CSMD1: variants seen among roughly 807,000 people sequenced by gnomAD.
CSMD1 encodes CUB and sushi domain-containing protein 1.
Under a neutral mutation model 417.5 loss-of-function variants are expected in CSMD1, and 213 were observed. The observed-to-expected ratio is 0.51, with a 90% confidence interval of 0.46 to 0.57. The LOEUF (loss-of-function observed/expected upper bound fraction) is 0.57. CSMD1 is among the 20% of genes least tolerant of loss of function. The probability of loss-of-function intolerance (pLI) is 0.00; values close to 1 mark genes in which losing one functional copy is unlikely to be tolerated. For synonymous variants in CSMD1, 2,862 were observed against 1,736.8 expected, an observed-to-expected ratio of 1.65 and a Z score of -16.11; for missense variants, 6,923 against 4,529.7, an observed-to-expected ratio of 1.53 and a Z score of -15.17.
chr8:4,355,509 C>T (rs182016691), intron 3 of CSMD1, among the ~76,000 whole-genome samples: 1 of 152,050 alleles, frequency 6.6e-6, no homozygotes, highest in Non-Finnish European at 1.5e-5. Flanking sequence ...AGGGAACATT[C>T]AGTAGTTTAG....
chr8:4,128,495 C>G (rs1009587556), intron 3 of CSMD1, among the ~76,000 whole-genome samples: 1 of 150,310 alleles, frequency 6.7e-6, no homozygotes, highest in Admixed American at 6.7e-5. Context: ...TTAAAACAAC[C>G]AAACAAACAA....
intron 3 of CSMD1, among the ~76,000 whole-genome samples, chr8:4,115,331 A>G (rs545359277): frequency 1.1e-4 from 16 of 152,332 alleles, no homozygotes; most frequent in African/African-American, 3.8e-4. Flanking sequence ...GTATGTACAC[A>G]TTTTAGACAT....
intron 37 of CSMD1, among the ~76,000 whole-genome samples, chr8:3,174,098 G>A (rs1308784893): frequency 6.6e-6 from 1 of 152,182 alleles, no homozygotes; most frequent in African/African-American, 2.4e-5. Flanking sequence ...CATAAGAAAC[G>A]TGACTTCACA....
intron 3 of CSMD1, among the ~76,000 whole-genome samples, chr8:4,100,765 G>C (rs1360936507): frequency 2.0e-5 from 3 of 152,084 alleles, no homozygotes; most frequent in African/African-American, 7.2e-5. Flanking sequence ...CATAAATGAA[G>C]TCATCGATCT....
At chr8:3,750,046 TTA>T (rs754415363) in intron 6 of CSMD1, among the ~76,000 whole-genome samples, 2 of 152,150 alleles carry the variant, frequency 1.3e-5, no homozygotes, top group Non-Finnish European at 2.9e-5. Context: ...ATTGAGTTCT[TTA>T]TGTTTTAAAA....
chr8:4,103,318 C>T (rs1801401163), intron 3 of CSMD1, among the ~76,000 whole-genome samples: 1 of 150,998 alleles, frequency 6.6e-6, no homozygotes, highest in Non-Finnish European at 1.5e-5. Context: ...ACACAGTGAT[C>T]ATCAATATTC....
intron 8 of CSMD1, among the ~76,000 whole-genome samples, chr8:3,609,028 C>T (rs1801760171): frequency 1.3e-5 from 2 of 152,148 alleles, no homozygotes; most frequent in African/African-American, 2.4e-5. Flanking sequence ...AGCGGTCCTG[C>T]ATAGTGAGTG....
intron 3 of CSMD1, among the ~76,000 whole-genome samples, chr8:4,353,317 G>A (rs1016423989): frequency 6.6e-6 from 1 of 152,034 alleles, no homozygotes; most frequent in Non-Finnish European, 1.5e-5. Context: ...TCTCTTCCCT[G>A]CCACCATGTA....
At chr8:3,021,295 T>C (rs868176122) in intron 51 of CSMD1, among the ~76,000 whole-genome samples, 3 of 152,224 alleles carry the variant, frequency 2.0e-5, no homozygotes, top group African/African-American at 7.2e-5. Flanking sequence ...AAATTTTAGC[T>C]TTTCAGTAGC....
chr8:4,944,075 A>T (rs572407695), intron 1 of CSMD1, among the ~76,000 whole-genome samples: 1 of 152,204 alleles, frequency 6.6e-6, no homozygotes, highest in Admixed American at 6.5e-5. Flanking sequence ...TTTGATAGAC[A>T]GGAGGAAGTT....
At chr8:3,512,559 G>C (rs1044661568) in intron 10 of CSMD1, among the ~76,000 whole-genome samples, 2 of 151,308 alleles carry the variant, frequency 1.3e-5, no homozygotes, top group Admixed American at 6.6e-5. Flanking sequence ...AGCAGCAGGA[G>C]AAATGAACCC....
chr8:2,981,069 C>G (rs901728273), intron 54 of CSMD1, among the ~76,000 whole-genome samples: 2 of 152,140 alleles, frequency 1.3e-5, no homozygotes, highest in African/African-American at 2.4e-5. Flanking sequence ...CTATTTAATT[C>G]TGAGGCTCCA....
intron 3 of CSMD1, among the ~76,000 whole-genome samples, chr8:4,148,121 G>A (rs1222428497): frequency 1.3e-5 from 2 of 152,118 alleles, no homozygotes; most frequent in African/African-American, 4.8e-5. Context: ...TGATGCGCGT[G>A]ACATGCTCTG....
intron 3 of CSMD1, among the ~76,000 whole-genome samples, chr8:4,245,671 G>A (rs1000194556): frequency 1.3e-5 from 2 of 151,968 alleles, no homozygotes; most frequent in African/African-American, 4.8e-5. Context: ...TACCCCATAT[G>A]AATGACAATT....
chr8:3,531,856 G>C (rs995482358), intron 10 of CSMD1, among the ~76,000 whole-genome samples: 35 of 152,268 alleles, frequency 2.3e-4, no homozygotes, highest in South Asian at 4.2e-4. Flanking sequence ...CGTGGGGCCA[G>C]GCCGGTCCAC....
intron 5 of CSMD1, among the ~76,000 whole-genome samples, chr8:3,859,572 A>G (rs1455803897): frequency 6.6e-6 from 1 of 152,082 alleles, no homozygotes; most frequent in Non-Finnish European, 1.5e-5. Flanking sequence ...TCTTAGTGCG[A>G]AGTTGGGTCA....
At position 3,564,204 on chromosome 8, in the gene CSMD1, T is replaced by A. The variant is rs529001754; in HGVS notation, c.1344+10741A>T. On this transcript the variant is annotated intron_variant, in intron 10 of 69. Transcript: ENST00000635120. ...AAATATATAATAAATTATCATTAAC[T>A]ATAATTTTCCTACTCTACTATTGAA... is the stretch of plus-strand genomic sequence containing the variant. 2.0e-5 allele frequency among the ~76,000 whole-genome samples: 3 copies of A among 152,336 alleles called. No individual in the cohort carries two copies. The East Asian group carries it at 5.8e-4, about 29-fold the overall frequency.
intron 1 of CSMD1, among the ~76,000 whole-genome samples, chr8:4,646,504 A>G (rs767409039): frequency 6.6e-6 from 1 of 152,186 alleles, no homozygotes; most frequent in Admixed American, 6.5e-5. Context: ...TAATTGGGAT[A>G]CTATAGGATG....
chr8:3,178,863 G>A (rs975368735), intron 37 of CSMD1, among the ~76,000 whole-genome samples: 15 of 151,884 alleles, frequency 9.9e-5, no homozygotes, highest in African/African-American at 2.9e-4. Flanking sequence ...AAAATCTTTT[G>A]GCGATTTACA....
Sources: gnomAD v4.1 joint callset for allele counts (sites outside exome capture counted in the v4.1 genomes callset) on GRCh38, gnomAD v4.1.1 for gene constraint, MANE v1.5 for transcripts, NCBI Gene and HGNC (gene_info 2026-07-23, HGNC 2026-07-21) for gene names.